Variants in RGS6 observed in about 807,000 individuals in gnomAD.
The protein encoded by RGS6 is regulator of G-protein signaling 6.
Under a neutral mutation model 78.5 loss-of-function variants are expected in RGS6, and 30 were observed. That is an observed-to-expected ratio of 0.38 (90% confidence interval 0.29 to 0.52). RGS6 has a LOEUF of 0.52. Among genes scored for constraint, RGS6 ranks in the 20% least tolerant of loss-of-function variants. The pLI is 0.85. For missense variants in RGS6, 495 were observed against 609.7 expected (o/e 0.81, Z 1.98); for synonymous variants, 206 against 206.0 (o/e 1.00, Z 0.00).
intron 2 of RGS6, among the ~76,000 whole-genome samples, chr14:72,275,422 C>T (rs1477576438): frequency 3.9e-5 from 6 of 151,984 alleles, no homozygotes; most frequent in Non-Finnish European, 7.4e-5. Flanking sequence ...AGATTGGGTA[C>T]GAAGATCAAA....
intron 2 of RGS6, among the ~76,000 whole-genome samples, chr14:72,050,257 AT>A (rs1171307645): frequency 6.6e-6 from 1 of 152,220 alleles, no homozygotes; most frequent in Non-Finnish European, 1.5e-5. Context: ...CCTTTAACTG[AT>A]TTAGTTTCAC....
chr14:72,141,379 A>T (rs1362057096), intron 2 of RGS6, among the ~76,000 whole-genome samples: 4 of 152,056 alleles, frequency 2.6e-5, no homozygotes, highest in Non-Finnish European at 5.9e-5. Context: ...GGAGCCTTGG[A>T]TCCTGTCAGA....
the RGS6 span, among the ~76,000 whole-genome samples, chr14:72,574,259 C>A: frequency 1.9e-3 from 285 of 152,306 alleles, 2 homozygotes; most frequent in African/African-American, 6.0e-3. Context: ...TCCCAGGGTG[C>A]CAGCTGGTGA....
At chr14:72,266,974 A>G (rs1260150286) in intron 2 of RGS6, among the ~76,000 whole-genome samples, 1 of 149,870 alleles carries the variant, frequency 6.7e-6, no homozygotes. Context: ...ACTACCCATG[A>G]GCTAAGCACG....
intron 17 of RGS6, among the ~76,000 whole-genome samples, chr14:72,541,844 AAGTG>A (rs2097331860): frequency 6.6e-6 from 1 of 152,192 alleles, no homozygotes; most frequent in Non-Finnish European, 1.5e-5. Flanking sequence ...TTTTCAAGAG[AAGTG>A]AGTATCAAGA....
At chr14:72,346,294 A>T (rs1370874270) in intron 2 of RGS6, among the ~76,000 whole-genome samples, 1 of 152,126 alleles carries the variant, frequency 6.6e-6, no homozygotes, top group African/African-American at 2.4e-5. Flanking sequence ...TCATGAATTT[A>T]TAGAAAAAAA....
intron 9 of RGS6, chr14:72,474,058 A>G (rs1278430254): frequency 6.6e-6 from 1 of 152,248 alleles, no homozygotes; most frequent in Non-Finnish European, 1.5e-5. Flanking sequence ...TCAGTGGGAA[A>G]CACACATATC....
At chr14:72,053,223 G>T (rs2093437561) in intron 2 of RGS6, among the ~76,000 whole-genome samples, 1 of 149,408 alleles carries the variant, frequency 6.7e-6, no homozygotes, top group Non-Finnish European at 1.5e-5. Context: ...AGGTTCGAGC[G>T]ATTCTCCTGC....
At chr14:72,392,545 C>A (rs1030826148) in intron 3 of RGS6, among the ~76,000 whole-genome samples, 5 of 152,164 alleles carry the variant, frequency 3.3e-5, no homozygotes, top group Non-Finnish European at 7.4e-5. Flanking sequence ...GAAGGTAGAG[C>A]AGTTGTGACT....
Position 72,459,957 on chromosome 14 carries a change from T to C in RGS6, c.394+274T>C, listed in dbSNP as rs577178414. Among the ~76,000 whole-genome samples, 264 of 152,298 alleles carry C rather than the reference T, an allele frequency of 1.7e-3. 2 individuals are homozygous for C. The highest frequency in any genetic ancestry group is 6.2e-3 in the African/African-American group (256 of 41,564). ...GGTCAGTATGTTCATCTTGGGGCCA[T>C]GGAGAACCAGGATCCCACAGCAACA... On this transcript the variant is annotated intron_variant, in intron 6 of 17. Transcript: ENST00000553525.
In RGS6 at chr14:72,490,696, C is replaced by T. The variant is rs375022547; in HGVS notation, c.855-4456C>T. On this transcript the variant is annotated intron_variant, in intron 12 of 17. Coordinates refer to ENST00000553525, the MANE Select transcript of RGS6 (RefSeq NM_001204424.2). Reference sequence around the variant, plus strand: ...CAAACTAAGGCTTTTCAACTGGGACCACTGCTGCTTCTACCCCAGGGGTCA... The same window carrying T: ...CAAACTAAGGCTTTTCAACTGGGACTACTGCTGCTTCTACCCCAGGGGTCA... Among the ~76,000 whole-genome samples, 27 of 152,286 alleles carry T rather than the reference C, an allele frequency of 1.8e-4. No homozygotes were observed. The South Asian group carries it at 5.6e-3, about 32-fold the overall frequency.
intron 2 of RGS6, among the ~76,000 whole-genome samples, chr14:72,135,138 G>A (rs941656400): frequency 1.3e-5 from 2 of 152,204 alleles, no homozygotes; most frequent in Non-Finnish European, 2.9e-5. Flanking sequence ...TCTTGTACAT[G>A]GGTAGTGGTT....
intron 2 of RGS6, among the ~76,000 whole-genome samples, chr14:72,249,785 G>A (rs2055157514): frequency 6.6e-6 from 1 of 152,026 alleles, no homozygotes; most frequent in Admixed American, 6.6e-5. Flanking sequence ...AAAGACACAT[G>A]CACACGTATG....
At chr14:71,880,794 G>T in the RGS6 span, among the ~76,000 whole-genome samples, 1 of 152,220 alleles carries the variant, frequency 6.6e-6, no homozygotes, top group African/African-American at 2.4e-5. Context: ...TGTGGGGTTG[G>T]AGCCCCCACA....
the RGS6 span, among the ~76,000 whole-genome samples, chr14:71,918,998 T>TTC: frequency 3.4e-3 from 511 of 151,904 alleles, 4 homozygotes; most frequent in African/African-American, 0.012. Flanking sequence ...CTTTTTTTTT[T>TTC]CCCAAGAAAG....
chr14:72,360,625 T>A (rs910509818), intron 3 of RGS6, among the ~76,000 whole-genome samples: 1 of 152,002 alleles, frequency 6.6e-6, no homozygotes, highest in Non-Finnish European at 1.5e-5. Flanking sequence ...TGGAAGCTTA[T>A]AGATCTTCTC....
At chr14:72,363,382 C>T (rs2081870670) in intron 3 of RGS6, among the ~76,000 whole-genome samples, 1 of 152,194 alleles carries the variant, frequency 6.6e-6, no homozygotes, top group African/African-American at 2.4e-5. Context: ...GGCTGTACAG[C>T]CACGCATCAT....
intron 1 of RGS6, among the ~76,000 whole-genome samples, chr14:71,936,524 C>T (rs1365166449): frequency 6.6e-6 from 1 of 152,084 alleles, no homozygotes; most frequent in African/African-American, 2.4e-5. Flanking sequence ...CAAAAGCCCA[C>T]CCCTTGTCAA....
At chr14:71,939,060 A>G (rs761080789) in intron 1 of RGS6, among the ~76,000 whole-genome samples, 7 of 152,130 alleles carry the variant, frequency 4.6e-5, no homozygotes, top group Non-Finnish European at 8.8e-5. Context: ...CTGTTGCAGA[A>G]CCTTCTCCTG....
Sources: allele counts gnomAD v4.1 joint callset (sites outside exome capture counted in the v4.1 genomes callset), GRCh38; gene constraint gnomAD v4.1.1; transcripts MANE v1.5; gene names NCBI Gene and HGNC (gene_info 2026-07-23, HGNC 2026-07-21).